ARHGAP6: variants seen among roughly 807,000 people sequenced by gnomAD.
The protein encoded by ARHGAP6 is Rho GTPase activating protein 6.
ARHGAP6 carries 16 observed loss-of-function variants against 55.7 expected under a neutral mutation model. The observed-to-expected ratio is 0.29, with a 90% CI of 0.19 to 0.44. ARHGAP6 has a LOEUF of 0.44. ARHGAP6 is among the 20% of genes least tolerant of loss of function. The pLI is 1.00. For synonymous variants in ARHGAP6, 382 were observed against 360.9 expected (o/e 1.06, Z -0.66); for missense variants, 698 against 808.9 (o/e 0.86, Z 1.66).
At chrX:11,337,874 C>A (rs2048659150) in intron 1 of ARHGAP6, among the ~76,000 whole-genome samples, 1 of 112,076 alleles carries the variant, frequency 8.9e-6, no homozygotes, top group Non-Finnish European at 1.9e-5. Context: ...ATGGCACTGG[C>A]ATCTGCTTGG....
intron 1 of ARHGAP6, among the ~76,000 whole-genome samples, chrX:11,571,748 T>G (rs892850834): frequency 4.6e-5 from 5 of 107,657 alleles, no homozygotes; most frequent in African/African-American, 1.7e-4. Context: ...ATTAGCTGAG[T>G]ATAGTGCTGC....
In ARHGAP6 at chrX:11,216,020, G is replaced by A. The variant is rs1459424186; in HGVS notation, c.749-19024C>T. ...TGACGTCCAAGGGATCTGACACGTA[G>A]TGCCTTGTTTACTGGGACTTAAACC... On this transcript the variant is annotated intron_variant, in intron 2 of 12. Coordinates refer to ENST00000337414, the MANE Select transcript of ARHGAP6 (RefSeq NM_013427.3). Among the ~76,000 whole-genome samples, 5 of 111,589 alleles carry A rather than the reference G, an allele frequency of 4.5e-5. No homozygotes were observed. The East Asian group carries it at 1.1e-3, about 25-fold the overall frequency.
intron 1 of ARHGAP6, among the ~76,000 whole-genome samples, chrX:11,280,138 G>C (rs1265183634): frequency 1.8e-5 from 2 of 111,756 alleles, no homozygotes; most frequent in Non-Finnish European, 3.8e-5. Flanking sequence ...ACAGTTCCAA[G>C]GTTGGGAAAC....
At chrX:11,527,851 TCAACCTTATTTTG>T (rs2051006622) in intron 1 of ARHGAP6, among the ~76,000 whole-genome samples, 1 of 112,438 alleles carries the variant, frequency 8.9e-6, no homozygotes, top group South Asian at 3.7e-4. Context: ...CCTGGAATTT[TCAACCTTATTTTG>T]CATTATGGTC....
chrX:11,411,407 T>C (rs1054497491), intron 1 of ARHGAP6, among the ~76,000 whole-genome samples: 1 of 107,517 alleles, frequency 9.3e-6, no homozygotes, highest in Admixed American at 1.0e-4. Context: ...AATTCAATGA[T>C]ATTTTAGTAA....
At chrX:11,343,245 A>T (rs935331553) in intron 1 of ARHGAP6, among the ~76,000 whole-genome samples, 1 of 112,413 alleles carries the variant, frequency 8.9e-6, no homozygotes, top group African/African-American at 3.2e-5. Context: ...AAAATGTCTC[A>T]GTGAACTGGC....
At chrX:11,208,465 A>G (rs1198911283) in intron 2 of ARHGAP6, among the ~76,000 whole-genome samples, 6 of 111,698 alleles carry the variant, frequency 5.4e-5, no homozygotes, top group African/African-American at 2.0e-4. Context: ...AGGAAGAGAG[A>G]GAGAGAATTC....
chrX:11,321,513 A>G (rs1000094623), intron 1 of ARHGAP6, among the ~76,000 whole-genome samples: 17 of 112,068 alleles, frequency 1.5e-4, no homozygotes, highest in African/African-American at 5.2e-4. Context: ...ATAAAATAAT[A>G]CATCTAAATT....
chrX:11,428,893 C>T (rs2049916493), intron 1 of ARHGAP6, among the ~76,000 whole-genome samples: 1 of 111,934 alleles, frequency 8.9e-6, no homozygotes, highest in African/African-American at 3.3e-5. Context: ...AGTCCCATGA[C>T]AGTTTATCCA....
At position 11,160,505 on chromosome X, in the gene ARHGAP6, T is replaced by C. The variant is rs188015640; in HGVS notation, c.1810-3879A>G. 2.7e-5 allele frequency among the ~76,000 whole-genome samples: 3 copies of C among 110,528 alleles called. No homozygotes were observed. In the East Asian group the frequency reaches 8.5e-4, roughly 31 times the overall value. ...CCAAGCACTAATCCATTCTTGGATT[T>C]AATTAAAGAATAAACAGTTAGAGTG... is the stretch of plus-strand genomic sequence containing the variant. On this transcript the variant is annotated intron_variant, in intron 9 of 12. Transcript: ENST00000337414.
At chrX:11,645,874 T>A (rs1404504185) in intron 1 of ARHGAP6, among the ~76,000 whole-genome samples, 1 of 112,126 alleles carries the variant, frequency 8.9e-6, no homozygotes, top group African/African-American at 3.2e-5. Flanking sequence ...CGAAATTAAA[T>A]GATGTTGTTA....
At chrX:11,332,985 T>C (rs1431116795) in intron 1 of ARHGAP6, among the ~76,000 whole-genome samples, 1 of 111,678 alleles carries the variant, frequency 9.0e-6, no homozygotes, top group Admixed American at 9.5e-5. Flanking sequence ...ACTAATCTGC[T>C]TTCCATATTC....
chrX:11,158,027 C>T (rs1173974291), intron 9 of ARHGAP6, among the ~76,000 whole-genome samples: 2 of 111,890 alleles, frequency 1.8e-5, no homozygotes, highest in East Asian at 5.6e-4. Context: ...TGCAGAGACT[C>T]AAGTTCAAGC....
chrX:11,250,775 A>G (rs2047413818), intron 2 of ARHGAP6, among the ~76,000 whole-genome samples: 1 of 110,813 alleles, frequency 9.0e-6, no homozygotes, highest in Admixed American at 9.5e-5. Context: ...TAATCTCCCT[A>G]TCTCAAGGAC....
intron 1 of ARHGAP6, among the ~76,000 whole-genome samples, chrX:11,386,860 T>C (rs1374437239): frequency 8.9e-6 from 1 of 111,925 alleles, no homozygotes; most frequent in East Asian, 2.8e-4. Flanking sequence ...GAACTGCGTA[T>C]AATGATTTGC....
intron 1 of ARHGAP6, among the ~76,000 whole-genome samples, chrX:11,258,876 T>C (rs1254172686): frequency 2.7e-5 from 3 of 111,795 alleles, no homozygotes; most frequent in Non-Finnish European, 5.6e-5. Flanking sequence ...AGTAGGTTTA[T>C]ATATTTATGG....
At chrX:11,269,831 C>T (rs1212940513) in intron 1 of ARHGAP6, among the ~76,000 whole-genome samples, 2 of 111,712 alleles carry the variant, frequency 1.8e-5, no homozygotes, top group Non-Finnish European at 3.8e-5. Flanking sequence ...TTCCCCATTC[C>T]TAGCACCCTG....
chrX:11,179,944 CTG>C (rs1373523436), intron 6 of ARHGAP6, among the ~76,000 whole-genome samples: 1 of 109,057 alleles, frequency 9.2e-6, no homozygotes, highest in African/African-American at 3.3e-5. Context: ...CACAGCATTT[CTG>C]TGTGTCACCA....
chrX:11,287,394 C>T (rs765136770), intron 1 of ARHGAP6, among the ~76,000 whole-genome samples: 3 of 111,974 alleles, frequency 2.7e-5, no homozygotes, highest in South Asian at 3.8e-4. Flanking sequence ...AGGGGTCTTG[C>T]GTCTGCTCTG....
Sources: gnomAD v4.1 joint callset for allele counts (sites outside exome capture counted in the v4.1 genomes callset) on GRCh38, gnomAD v4.1.1 for gene constraint, MANE v1.5 for transcripts, NCBI Gene and HGNC (gene_info 2026-07-23, HGNC 2026-07-21) for gene names.